TMEM170B: variants seen among roughly 807,000 people sequenced by gnomAD.
TMEM170B encodes transmembrane protein 170B.
TMEM170B carries 6 observed loss-of-function variants against 13.0 expected under a neutral mutation model. That is an observed-to-expected ratio of 0.46 (90% confidence interval 0.25 to 0.91). TMEM170B has a LOEUF of 0.91. Ranked by LOEUF, TMEM170B falls within the 40% of genes least tolerant of loss-of-function variation. The pLI, the probability that TMEM170B is intolerant of heterozygous loss-of-function variation, is 0.17. For missense variants in TMEM170B, 138 were observed against 165.2 expected, an observed-to-expected ratio of 0.84 and a Z score of 0.90; for synonymous variants, 61 against 64.9, an observed-to-expected ratio of 0.94 and a Z score of 0.29.
chr6:11,563,010 A>T (rs918719197), intron 1 of TMEM170B, among the ~76,000 whole-genome samples: 2 of 151,632 alleles, frequency 1.3e-5, no homozygotes, highest in African/African-American at 2.4e-5. Flanking sequence ...TTTACTTTTT[A>T]AAAAAAATTG....
In TMEM170B at chr6:11,581,664, T is replaced by G. The variant is rs1382332625; in HGVS notation, c.*6103T>G. 2.0e-5 allele frequency: 3 copies of G among 152,242 alleles called. No homozygotes were observed. The highest frequency in any genetic ancestry group is 7.2e-5 in the African/African-American group (3 of 41,458). The allele number at this position is 152,242 out of a possible 1,614,324, so 9.4% of individuals were successfully genotyped here. A position where few individuals can be genotyped will look rare whatever the true frequency, so the allele number is the denominator to read the frequency against. Reference sequence around the variant, plus strand: ...TTGGTAGTTCCTAAAAATCACCACTTTAAAAATTTTATTCTGTCTTGCTGA... The same window carrying G: ...TTGGTAGTTCCTAAAAATCACCACTGTAAAAATTTTATTCTGTCTTGCTGA... On this transcript the variant is annotated 3_prime_UTR_variant, in exon 3 of 3. Coordinates refer to ENST00000379426, the MANE Select transcript of TMEM170B (RefSeq NM_001100829.3).
At chr6:11,546,453 A>G (rs114828729) in intron 1 of TMEM170B, among the ~76,000 whole-genome samples, 1,598 of 152,312 alleles carry the variant, frequency 0.01, 28 homozygotes, top group African/African-American at 0.035. Flanking sequence ...AAATAAATTT[A>G]GTGTAGCCTG....
intron 1 of TMEM170B, among the ~76,000 whole-genome samples, chr6:11,562,649 C>T (rs985485180): frequency 1.3e-5 from 2 of 151,898 alleles, no homozygotes; most frequent in African/African-American, 4.8e-5. Flanking sequence ...AGCTTATGTA[C>T]CCTTTATCCA....
In TMEM170B at chr6:11,582,932, T is replaced by C. The variant is rs1025182596; in HGVS notation, c.*7371T>C. ...AATTTTGAAGGATTATTTTAAAAAC[T>C]ATGTTTATATATAATACCTAACAAG... is the stretch of plus-strand genomic sequence containing the variant. On this transcript the variant is annotated 3_prime_UTR_variant, in exon 3 of 3. Coordinates refer to ENST00000379426, the MANE Select transcript of TMEM170B (RefSeq NM_001100829.3). The C allele has an allele frequency of 6.6e-6, 1 of 152,168 alleles. No homozygotes were observed. The highest frequency in any genetic ancestry group is 1.5e-5 in the Non-Finnish European group (1 of 67,996). 9.4% of individuals were successfully genotyped at this position (152,168 alleles called of 1,614,324 possible).
chr6:11,544,390 T>C (rs1759402846), intron 1 of TMEM170B, among the ~76,000 whole-genome samples: 1 of 152,194 alleles, frequency 6.6e-6, no homozygotes, highest in Non-Finnish European at 1.5e-5. Flanking sequence ...GCATTTCAGA[T>C]AAGGGATATT....
rs1759878894 is a variant in TMEM170B, at chr6:11,576,774, G to A, written c.*1213G>A. The A allele has an allele frequency of 6.6e-6, 1 of 152,110 alleles. No individual in the cohort carries two copies. The highest frequency in any genetic ancestry group is 2.1e-4 in the South Asian group (1 of 4,828). The allele number at this position is 152,110 out of a possible 1,614,324, so 9.4% of individuals were successfully genotyped here. Reference sequence around the variant, plus strand: ...AGTCTCAGCATATCAATGCAGTACTGAGCGTGTATTAGAGTAATTCAGTTG... The same window carrying A: ...AGTCTCAGCATATCAATGCAGTACTAAGCGTGTATTAGAGTAATTCAGTTG... On this transcript the variant is annotated 3_prime_UTR_variant, in exon 3 of 3. Transcript: ENST00000379426.
In TMEM170B at chr6:11,580,822, A is replaced by T. The variant is rs1759946116; in HGVS notation, c.*5261A>T. 1 of 152,172 alleles carries T rather than the reference A, an allele frequency of 6.6e-6. No homozygotes were observed. The highest frequency in any genetic ancestry group is 6.5e-5 in the Admixed American group (1 of 15,268). 9.4% of individuals were successfully genotyped at this position (152,172 alleles called of 1,614,324 possible). A position where few individuals can be genotyped will look rare whatever the true frequency, so the allele number is the denominator to read the frequency against. On this transcript the variant is annotated 3_prime_UTR_variant, in exon 3 of 3. Transcript: ENST00000379426. Reference sequence around the variant, plus strand: ...TTGTTAGGACTAGAAACTATACTGGATGAGTATGTATACTGCATGTTTACA... The same window carrying T: ...TTGTTAGGACTAGAAACTATACTGGTTGAGTATGTATACTGCATGTTTACA...
At chr6:11,548,668 C>A (rs1759473398) in intron 1 of TMEM170B, among the ~76,000 whole-genome samples, 1 of 152,090 alleles carries the variant, frequency 6.6e-6, no homozygotes, top group Admixed American at 6.6e-5. Context: ...GACTTGGAAC[C>A]AACCCACATG....
chr6:11,554,735 A>C (rs547197696), intron 1 of TMEM170B, among the ~76,000 whole-genome samples: 4 of 152,240 alleles, frequency 2.6e-5, no homozygotes, highest in African/African-American at 7.2e-5. Flanking sequence ...CATGAATTTT[A>C]AGATGGGCAC....
At chr6:11,540,052 G>C (rs1234872915) in intron 1 of TMEM170B, among the ~76,000 whole-genome samples, 2 of 152,186 alleles carry the variant, frequency 1.3e-5, no homozygotes, top group African/African-American at 4.8e-5. Context: ...CTTTATTGCT[G>C]AAAAATTGCT....
chr6:11,552,508 A>G (rs1759537848), intron 1 of TMEM170B, among the ~76,000 whole-genome samples: 1 of 152,224 alleles, frequency 6.6e-6, no homozygotes, highest in South Asian at 2.1e-4. Context: ...TCAATTTGCA[A>G]ACCAGGAAGA....
intron 1 of TMEM170B, among the ~76,000 whole-genome samples, chr6:11,546,366 T>C (rs909978959): frequency 4.2e-5 from 6 of 143,164 alleles, no homozygotes; most frequent in Admixed American, 6.9e-5. Context: ...AGTTAAAAAG[T>C]TAAAACTTAA....
rs77704451 is a variant in TMEM170B at position 11,562,046 on chromosome 6, T to A, written c.98-3620T>A. On this transcript the variant is annotated intron_variant, in intron 1 of 2. Coordinates refer to ENST00000379426, the MANE Select transcript of TMEM170B (RefSeq NM_001100829.3). ...TCTAATTGTATTATAAGAACTTTTT[T>A]AAATGGGCGTGAGGTACAAGGCGGA... Among the ~76,000 whole-genome samples the A allele has an allele frequency of 2.6e-4, 40 of 152,284 alleles. 2 individuals are homozygous for A. In the East Asian group the frequency reaches 7.7e-3, roughly 29 times the overall value.
At chr6:11,549,887 G>GA (rs1376058429) in intron 1 of TMEM170B, among the ~76,000 whole-genome samples, 3 of 151,998 alleles carry the variant, frequency 2.0e-5, no homozygotes, top group Non-Finnish European at 4.4e-5. Context: ...TGAAAAAAAT[G>GA]AAAATAGCTT....
chr6:11,555,279 T>A (rs1759573456), intron 1 of TMEM170B, among the ~76,000 whole-genome samples: 1 of 152,160 alleles, frequency 6.6e-6, no homozygotes, highest in Non-Finnish European at 1.5e-5. Flanking sequence ...TTCCACTGTT[T>A]GTAATATGTC....
intron 1 of TMEM170B, among the ~76,000 whole-genome samples, chr6:11,561,530 T>C (rs1001057177): frequency 3.9e-5 from 6 of 152,208 alleles, no homozygotes; most frequent in Admixed American, 1.3e-4. Context: ...CCGATAGTGA[T>C]TGGGCCTTAG....
rs1759906011 is a variant in TMEM170B, at chr6:11,578,259, G to A, written c.*2698G>A. The A allele has an allele frequency of 6.6e-6, 1 of 152,090 alleles. No homozygotes were observed. The highest frequency in any genetic ancestry group is 6.6e-5 in the Admixed American group (1 of 15,266). 9.4% of individuals were successfully genotyped at this position (152,090 alleles called of 1,614,324 possible). A position where few individuals can be genotyped will look rare whatever the true frequency, so the allele number is the denominator to read the frequency against. On this transcript the variant is annotated 3_prime_UTR_variant, in exon 3 of 3. Coordinates refer to ENST00000379426, the MANE Select transcript of TMEM170B (RefSeq NM_001100829.3). ...GGACATGACAAAAGTCCTTATTGATGTATTTGGGTTATATACTTTGTTAAA... is the reference window on the plus strand; with the variant it reads ...GGACATGACAAAAGTCCTTATTGATATATTTGGGTTATATACTTTGTTAAA...
chr6:11,555,228 G>A (rs1281632553), intron 1 of TMEM170B, among the ~76,000 whole-genome samples: 5 of 151,778 alleles, frequency 3.3e-5, no homozygotes, highest in East Asian at 1.9e-4. Flanking sequence ...CTTCTGGCTC[G>A]GAAATTTCTG....
chr6:11,569,839 A>T (rs1287733584), intron 2 of TMEM170B, among the ~76,000 whole-genome samples: 2 of 151,918 alleles, frequency 1.3e-5, no homozygotes, highest in Non-Finnish European at 2.9e-5. Flanking sequence ...AAGTACAGGG[A>T]TCTGTCTCTG....
Sources: gnomAD v4.1 joint callset for allele counts (sites outside exome capture counted in the v4.1 genomes callset) on GRCh38, gnomAD v4.1.1 for gene constraint, MANE v1.5 for transcripts, NCBI Gene and HGNC (gene_info 2026-07-23, HGNC 2026-07-21) for gene names.